BIRC3: variants seen among roughly 807,000 people sequenced by gnomAD.
The protein encoded by BIRC3 is baculoviral IAP repeat containing 3, also known as baculoviral IAP repeat-containing protein 3.
BIRC3 carries 26 observed loss-of-function variants against 59.0 expected under a neutral mutation model. The ratio of observed to expected loss-of-function variants is 0.44; its 90% CI spans 0.32 to 0.61. BIRC3 has a LOEUF of 0.61. BIRC3 is among the 20% of genes least tolerant of loss of function. BIRC3 has a pLI of 0.04. For missense variants in BIRC3, 641 were observed against 711.5 expected (o/e 0.90, Z 1.13); for synonymous variants, 243 against 249.2 (o/e 0.98, Z 0.24).
chr11:102,323,291 A>G lies in BIRC3; in HGVS notation c.-1219A>G, dbSNP rs965863312. On this transcript the variant is annotated 5_prime_UTR_variant, in exon 2 of 9. An upstream open reading frame in the 5' UTR loses its in-frame stop. Coordinates refer to ENST00000263464, the MANE Select transcript of BIRC3 (RefSeq NM_001165.5). ...CAAAGGGAATGAAATATATATCATGATTCTGTTTTTCCAAAAGTAACCTGA... is the reference window on the plus strand; with the variant it reads ...CAAAGGGAATGAAATATATATCATGGTTCTGTTTTTCCAAAAGTAACCTGA... 5.2e-6 allele frequency: 1 copy of G among 194,028 alleles called. No homozygotes were observed. The highest frequency in any genetic ancestry group is 1.1e-5 in the Non-Finnish European group (1 of 93,104). 12.0% of individuals were successfully genotyped at this position (194,028 alleles called of 1,614,324 possible).
rs1951042158 is a variant in BIRC3, at chr11:102,322,613, G to T, written c.-1897G>T. 4.8e-6 allele frequency: 1 copy of T among 206,972 alleles called. No individual in the cohort carries two copies. The highest frequency in any genetic ancestry group is 9.8e-6 in the Non-Finnish European group (1 of 101,602). 12.8% of individuals were successfully genotyped at this position (206,972 alleles called of 1,614,324 possible). ...ACAATGTGTAAAATTTTTGGCCAGG[G>T]AAAGGAATATTGAAGTTAGATACAA... is the stretch of plus-strand genomic sequence containing the variant. On this transcript the variant is annotated 5_prime_UTR_variant, in exon 2 of 9. Coordinates refer to ENST00000263464, the MANE Select transcript of BIRC3 (RefSeq NM_001165.5).
intron 1 of BIRC3, among the ~76,000 whole-genome samples, chr11:102,317,880 T>C (rs1950986855): frequency 6.6e-6 from 1 of 152,194 alleles, no homozygotes; most frequent in African/African-American, 2.4e-5. Flanking sequence ...TCACTGGGCC[T>C]TTGCAGGTGC....
intron 3 of BIRC3, among the ~76,000 whole-genome samples, chr11:102,327,151 TCTGACCATTCC>T (rs1951091532): frequency 6.6e-6 from 1 of 152,194 alleles, no homozygotes; most frequent in African/African-American, 2.4e-5. Flanking sequence ...CTGCAATATC[TCTGACCATTCC>T]CTATATGCTA....
intron 6 of BIRC3, 34 bp downstream of exon 6, chr11:102,331,275 A>G (rs779595999): frequency 1.9e-6 from 3 of 1,568,268 alleles, no homozygotes; most frequent in Non-Finnish European, 2.6e-6. Context: ...CTATTTTCAT[A>G]AGGATTTGAT....
At chr11:102,327,760 T>G (rs1236891544) in intron 3 of BIRC3, among the ~76,000 whole-genome samples, 3 of 152,122 alleles carry the variant, frequency 2.0e-5, no homozygotes, top group Non-Finnish European at 4.4e-5. Context: ...ACAAAACAAT[T>G]AAAAATTCAC....
chr11:102,320,576 C>T (rs1298948653), intron 1 of BIRC3, among the ~76,000 whole-genome samples: 1 of 152,174 alleles, frequency 6.6e-6, no homozygotes, highest in Non-Finnish European at 1.5e-5. Flanking sequence ...TGTGGGGTGT[C>T]TCTTTTAAAT....
intron 5 of BIRC3, among the ~76,000 whole-genome samples, chr11:102,330,692 A>C (rs1951129415): frequency 6.6e-6 from 1 of 152,194 alleles, no homozygotes; most frequent in East Asian, 1.9e-4. Context: ...GGGAAAAATA[A>C]TCTCAATTCT....
chr11:102,324,417 C>A lies in BIRC3; in HGVS notation c.-93C>A. On this transcript the variant is annotated 5_prime_UTR_variant, in exon 2 of 9. Transcript: ENST00000263464. The stretch of plus-strand genomic sequence containing the variant: ...TAAAAAATTTTTCATTTTGGCTTTT[C>A]AGCCTAGTATTAAAACTGATAAAAG... 1 of 1,411,662 alleles carries A rather than the reference C, an allele frequency of 7.1e-7. No homozygotes were observed. The highest frequency in any genetic ancestry group is 9.4e-7 in the Non-Finnish European group (1 of 1,062,180). 87.4% of individuals were successfully genotyped at this position (1,411,662 alleles called of 1,614,324 possible).
intron 5 of BIRC3, 117 bp from the exon 6 acceptor site, chr11:102,330,882 G>C: frequency 9.6e-7 from 1 of 1,040,794 alleles, no homozygotes; most frequent in Non-Finnish European, 1.3e-6. Context: ...TATACATTTT[G>C]TTGGTTTTAC....
chr11:102,318,220 A>T (rs1274445278), intron 1 of BIRC3, among the ~76,000 whole-genome samples: 1 of 152,184 alleles, frequency 6.6e-6, no homozygotes, highest in Admixed American at 6.5e-5. Flanking sequence ...AATTATCATA[A>T]TCTTAAGAAG....
intron 6 of BIRC3, among the ~76,000 whole-genome samples, chr11:102,334,527 T>C (rs1438251084): frequency 6.6e-6 from 1 of 152,186 alleles, no homozygotes; most frequent in East Asian, 1.9e-4. Context: ...TCTTAAATGG[T>C]TCTTTTTATG....
At chr11:102,318,260 T>C (rs1950994290) in intron 1 of BIRC3, among the ~76,000 whole-genome samples, 1 of 152,304 alleles carries the variant, frequency 6.6e-6, no homozygotes, top group African/African-American at 2.4e-5. Flanking sequence ...CATTTGACAA[T>C]GAGGAAACTG....
Position 102,324,022 on chromosome 11 carries a change from A to T in BIRC3, c.-488A>T. The T allele has an allele frequency of 4.8e-6, 1 of 208,070 alleles. No homozygotes were observed. Among genetic ancestry groups the T allele is most frequent in the Non-Finnish European group, 9.8e-6 (1 of 102,056 alleles). The allele number at this position is 208,070 out of a possible 1,614,324, so 12.9% of individuals were successfully genotyped here. ...AAATTTCACAATTTCCAAAAAGCAA[A>T]ATAAACATATTCTGAATATTTTTGC... On this transcript the variant is annotated 5_prime_UTR_variant, in exon 2 of 9. Transcript: ENST00000263464.
At chr11:102,328,805 T>C (rs1951109124) in intron 4 of BIRC3, 92 bp from the exon 5 acceptor site, 1 of 443,192 alleles carries the variant, frequency 2.3e-6, no homozygotes, top group Non-Finnish European at 3.4e-6. Context: ...GAATAAAATA[T>C]GTCTGTTGGG....
At chr11:102,326,884 T>G (rs1410104498) in intron 3 of BIRC3, 4 of 416,714 alleles carry the variant, frequency 9.6e-6, no homozygotes, top group African/African-American at 8.3e-5. Flanking sequence ...AATTTTTGTA[T>G]TTTTGTAGAG....
At chr11:102,319,293 G>A (rs899256301) in intron 1 of BIRC3, among the ~76,000 whole-genome samples, 2 of 152,038 alleles carry the variant, frequency 1.3e-5, no homozygotes, top group African/African-American at 4.8e-5. Context: ...TGATCCACTC[G>A]CCTCAGCCTC....
At chr11:102,329,061 AT>A in intron 5 of BIRC3, 116 bp downstream of exon 5, 2 of 513,528 alleles carry the variant, frequency 3.9e-6, no homozygotes, top group Non-Finnish European at 6.3e-6. Context: ...CGATGAATGC[AT>A]TTTCAAATAT....
chr11:102,326,474 A>C (rs1369850149), intron 3 of BIRC3, among the ~76,000 whole-genome samples: 1 of 152,218 alleles, frequency 6.6e-6, no homozygotes, highest in East Asian at 1.9e-4. Context: ...AAGAAACTTA[A>C]TGTACTAACT....
chr11:102,336,487 A>C (rs1189189366), intron 7 of BIRC3: 1 of 557,780 alleles, frequency 1.8e-6, no homozygotes, highest in Non-Finnish European at 3.1e-6. Flanking sequence ...CCAGCTACTC[A>C]AGAGGATGAG....
Sources: gnomAD v4.1 joint callset for allele counts (sites outside exome capture counted in the v4.1 genomes callset) on GRCh38, gnomAD v4.1.1 for gene constraint, MANE v1.5 for transcripts, NCBI Gene and HGNC (gene_info 2026-07-23, HGNC 2026-07-21) for gene names.